The following NSUN4 variants were observed in gnomAD, a reference collection of about 807,000 sequenced individuals.
NSUN4 encodes NOP2/Sun RNA methyltransferase 4.
NSUN4 carries 31 observed loss-of-function variants against 43.8 expected under a neutral mutation model. The observed-to-expected ratio is 0.71, with a 90% CI of 0.53 to 0.96. NSUN4 has a LOEUF of 0.96. Ranked by LOEUF, NSUN4 falls within the 40% of genes least tolerant of loss-of-function variation. The probability of loss-of-function intolerance (pLI) is 0.00; values close to 1 mark genes in which losing one functional copy is unlikely to be tolerated. For synonymous variants in NSUN4, 167 were observed against 184.1 expected (o/e 0.91, Z 0.75); for missense variants, 439 against 475.6 (o/e 0.92, Z 0.72).
rs17361763 is a variant in NSUN4, at chr1:46,344,998, T to C, written c.291T>C (p.Asp97=). 421,308 of 1,613,880 alleles carry C rather than the reference T, an allele frequency of 0.26. 59,504 individuals are homozygous for C. The highest frequency in any genetic ancestry group is 0.3 in the Non-Finnish European group (349,220 of 1,179,906). ...AGCTGGAGCAGCTGAGTGCCAAGGA[T>C]TTTGTGAATGAAGCCATCTCCCACT... ...SAKLEQLSAK[D]FVNEAISHWE... The change falls in exon 2 of 6, where the codon GAT becomes GAC. Residue 97 remains aspartate (D), a synonymous_variant. Transcript: ENST00000474844.
chr1:46,341,017 A>T, intron 1 of NSUN4, 98 bp downstream of exon 1: 1 of 1,261,838 alleles, frequency 7.9e-7, no homozygotes, highest in South Asian at 1.5e-5. Flanking sequence ...CGTCTTTCCC[A>T]AGCACTCCAC....
intron 4 of NSUN4, among the ~76,000 whole-genome samples, chr1:46,356,690 CAAA>C (rs1289819570): frequency 2.1e-5 from 3 of 141,818 alleles, no homozygotes; most frequent in Non-Finnish European, 4.6e-5. Flanking sequence ...GATTCCGTCT[CAAA>C]AAAAAAAAAG....
At chr1:46,381,643 C>G in the NSUN4 span, among the ~76,000 whole-genome samples, 8 of 152,120 alleles carry the variant, frequency 5.3e-5, no homozygotes, top group African/African-American at 2.4e-5. Flanking sequence ...CAGTGTTTCC[C>G]TAGGACTATA....
chr1:46,376,620 G>A, the NSUN4 span, among the ~76,000 whole-genome samples: 1 of 152,006 alleles, frequency 6.6e-6, no homozygotes, highest in Non-Finnish European at 1.5e-5. Context: ...AAATTAGATG[G>A]CCACCTTTAA....
At position 46,362,221 on chromosome 1, in the gene NSUN4, T is replaced by G. The variant is rs529489975; in HGVS notation, c.*375T>G. 4.3e-4 allele frequency: 97 copies of G among 228,210 alleles called. 1 individual carries two copies. The highest frequency in any genetic ancestry group is 1.2e-4 in the Non-Finnish European group (14 of 115,472). The allele number at this position is 228,210 out of a possible 1,614,324, so 14.1% of individuals were successfully genotyped here. On this transcript the variant is annotated 3_prime_UTR_variant, in exon 6 of 6. Transcript: ENST00000474844. ...CCTGGGGCTGCAGTTGGGGACTTCA[T>G]GTCAGTGCAAATGCCATTAGTTCCA...
intron 1 of NSUN4, chr1:46,342,168 T>C: frequency 2.5e-6 from 1 of 400,608 alleles, no homozygotes; most frequent in African/African-American, 2.1e-5. Context: ...GCTGATGATC[T>C]CTCTGCCCTC....
At chr1:46,355,958 G>A (rs1286058109) in intron 4 of NSUN4, among the ~76,000 whole-genome samples, 1 of 151,700 alleles carries the variant, frequency 6.6e-6, no homozygotes, top group Non-Finnish European at 1.5e-5. Context: ...AGGTTGCAGT[G>A]AGCTGAGATC....
intron 4 of NSUN4, among the ~76,000 whole-genome samples, chr1:46,358,892 T>G (rs1366510849): frequency 2.6e-5 from 4 of 152,228 alleles, no homozygotes; most frequent in African/African-American, 9.6e-5. Flanking sequence ...CTTCGTCTAC[T>G]CTTTCTCCCC....
intron 2 of NSUN4, among the ~76,000 whole-genome samples, chr1:46,345,543 ATG>A (rs10661193): frequency 6.6e-6 from 1 of 151,988 alleles, no homozygotes; most frequent in Non-Finnish European, 1.5e-5. Context: ...TCAAGTTGAA[ATG>A]TGTTATTCAC....
chr1:46,382,925 G>T, the NSUN4 span, among the ~76,000 whole-genome samples: 1 of 152,198 alleles, frequency 6.6e-6, no homozygotes, highest in Non-Finnish European at 1.5e-5. Context: ...TCATAAAGTT[G>T]TTGGGAGAAC....
intron 1 of NSUN4, chr1:46,343,872 A>G (rs911917830): frequency 1.5e-5 from 6 of 400,054 alleles, no homozygotes; most frequent in East Asian, 1.1e-4. Context: ...AGAGTCCCCA[A>G]CATAGCAGGA....
At chr1:46,367,911 C>T (rs1282863872), downstream of NSUN4, among the ~76,000 whole-genome samples, 3 of 151,816 alleles carry the variant, frequency 2.0e-5, no homozygotes, top group African/African-American at 4.8e-5. Context: ...ACTACAGGCA[C>T]ATGCCACCGC....
intron 3 of NSUN4, among the ~76,000 whole-genome samples, 172 bp from the exon 4 acceptor site, chr1:46,352,696 A>G (rs1663088436): frequency 6.6e-6 from 1 of 152,138 alleles, no homozygotes; most frequent in South Asian, 2.1e-4. Context: ...GGTGTTTGCC[A>G]TTGTACCCCC....
chr1:46,365,964 CTAAAAATGCAAAAATTAGCCGGGTGTGG>C (rs1664125292), downstream of NSUN4, among the ~76,000 whole-genome samples: 1 of 152,012 alleles, frequency 6.6e-6, no homozygotes, highest in Admixed American at 6.6e-5. Context: ...CCCGTCTGTA[CTAAAAATGCAAAAATTAGCCGGGTGTGG>C]TGGCACATAC....
chr1:46,353,988 C>G (rs1663189519), intron 4 of NSUN4, among the ~76,000 whole-genome samples: 1 of 152,162 alleles, frequency 6.6e-6, no homozygotes, highest in Non-Finnish European at 1.5e-5. Flanking sequence ...TGAATGAGTA[C>G]TGATTTCCCA....
chr1:46,377,541 A>G, the NSUN4 span, among the ~76,000 whole-genome samples: 2 of 152,322 alleles, frequency 1.3e-5, no homozygotes, highest in Admixed American at 1.3e-4. Context: ...GTTTTCTCCC[A>G]CATCAACTTG....
chr1:46,373,145 TTAAA>T, the NSUN4 span, among the ~76,000 whole-genome samples: 1 of 152,220 alleles, frequency 6.6e-6, no homozygotes, highest in Admixed American at 6.5e-5. Flanking sequence ...TCACAACCAC[TTAAA>T]TAATCTCTGA....
chr1:46,343,102 C>T (rs2148360089), intron 1 of NSUN4: 3 of 399,318 alleles, frequency 7.5e-6, no homozygotes, highest in Non-Finnish European at 8.8e-6. Context: ...TCCATAGGGC[C>T]CCCCTGCAAT....
the NSUN4 span, among the ~76,000 whole-genome samples, chr1:46,377,046 C>G: frequency 6.6e-6 from 1 of 151,582 alleles, no homozygotes; most frequent in Admixed American, 6.6e-5. Context: ...GTGCGAGCCA[C>G]TGCACCGGCC....
Sources: gnomAD v4.1 joint callset for allele counts (sites outside exome capture counted in the v4.1 genomes callset) on GRCh38, gnomAD v4.1.1 for gene constraint, MANE v1.5 for transcripts, NCBI Gene and HGNC (gene_info 2026-07-23, HGNC 2026-07-21) for gene names.